Variants in ST8SIA4 observed in about 807,000 individuals in gnomAD.
The protein encoded by ST8SIA4 is ST8 alpha-N-acetyl-neuraminide alpha-2,8-sialyltransferase 4, also known as CMP-N-acetylneuraminate-poly-alpha-2,8-sialyltransferase.
Under a neutral mutation model 33.9 loss-of-function variants are expected in ST8SIA4, and 15 were observed. That is an observed-to-expected ratio of 0.44 (90% confidence interval 0.30 to 0.68). The LOEUF (loss-of-function observed/expected upper bound fraction) is 0.68. Among genes scored for constraint, ST8SIA4 ranks in the 30% least tolerant of loss-of-function variants. ST8SIA4 has a pLI of 0.10. For synonymous variants in ST8SIA4, 171 were observed against 151.2 expected, an observed-to-expected ratio of 1.13 and a Z score of -0.96; for missense variants, 321 against 428.0, an observed-to-expected ratio of 0.75 and a Z score of 2.21.
intron 2 of ST8SIA4, among the ~76,000 whole-genome samples, chr5:100,887,857 A>G (rs562866613): frequency 6.6e-6 from 1 of 152,198 alleles, no homozygotes; most frequent in Admixed American, 6.5e-5. Flanking sequence ...GCATGCTGAG[A>G]TGAAAGGGAA....
intron 3 of ST8SIA4, among the ~76,000 whole-genome samples, chr5:100,862,731 G>T (rs1311440947): frequency 2.0e-5 from 3 of 152,136 alleles, no homozygotes; most frequent in African/African-American, 7.2e-5. Flanking sequence ...TTTGTTATGT[G>T]CCAGGGAGCA....
intron 1 of ST8SIA4, among the ~76,000 whole-genome samples, chr5:100,897,104 C>T (rs965969913): frequency 1.3e-5 from 2 of 152,100 alleles, no homozygotes; most frequent in Non-Finnish European, 2.9e-5. Flanking sequence ...AACATCTCAA[C>T]GAGTCACTTC....
intron 1 of ST8SIA4, among the ~76,000 whole-genome samples, chr5:100,899,928 T>A (rs1052301861): frequency 6.6e-6 from 1 of 152,232 alleles, no homozygotes; most frequent in Non-Finnish European, 1.5e-5. Context: ...GAATTTTAGA[T>A]GTTCAATAAT....
Position 100,811,147 on chromosome 5 carries a change from A to C in ST8SIA4, c.*700T>G, listed in dbSNP as rs1392329645. On this transcript the variant is annotated 3_prime_UTR_variant, in exon 5 of 5. Transcript: ENST00000231461. ...AGCTGAGATCGCGCCACTGTACTCCAGCCTGGGCAACAGAGCGAGACAAAA... is the reference window on the plus strand; with the variant it reads ...AGCTGAGATCGCGCCACTGTACTCCCGCCTGGGCAACAGAGCGAGACAAAA... The C allele has an allele frequency of 6.8e-6, 1 of 146,068 alleles. No homozygotes were observed. Among genetic ancestry groups the C allele is most frequent in the Non-Finnish European group, 1.5e-5 (1 of 66,676 alleles). The allele number at this position is 146,068 out of a possible 1,614,324, so 9.0% of individuals were successfully genotyped here.
chr5:100,819,850 CA>C (rs1230033887), intron 4 of ST8SIA4, among the ~76,000 whole-genome samples: 1 of 152,018 alleles, frequency 6.6e-6, no homozygotes, highest in African/African-American at 2.4e-5. Context: ...AAAATAGAAA[CA>C]GAAGAGATAA....
rs1364708584 is a variant in ST8SIA4, at chr5:100,807,909, G to A, written c.*3938C>T. Reference sequence around the variant, plus strand: ...ATATATAATAAAATATCTATTTCTAGGTGGGCTTTATTTGGATTTTCTTTC... The same window carrying A: ...ATATATAATAAAATATCTATTTCTAAGTGGGCTTTATTTGGATTTTCTTTC... On this transcript the variant is annotated 3_prime_UTR_variant, in exon 5 of 5. Transcript: ENST00000231461. 6.6e-6 allele frequency: 1 copy of A among 152,084 alleles called. No homozygotes were observed. Among genetic ancestry groups the A allele is most frequent in the Non-Finnish European group, 1.5e-5 (1 of 67,902 alleles). The allele number at this position is 152,084 out of a possible 1,614,324, so 9.4% of individuals were successfully genotyped here.
Position 100,902,887 on chromosome 5 carries a change from T to A in ST8SIA4, c.69A>T (p.Lys23Asn). 6.2e-7 allele frequency: 1 copy of A among 1,614,224 alleles called. No homozygotes were observed. The highest frequency in any genetic ancestry group is 8.5e-7 in the Non-Finnish European group (1 of 1,180,042). The part of the protein sequence containing the change: ...ISLLLIFYKT[K>N]EIARTEEHQE... The stretch of plus-strand genomic sequence containing the variant: ...GGTGCTCCTCAGTTCTTGCTATTTC[T>A]TTTGTCTTATAAAAGATCAGGAGCA... The change falls in exon 1 of 5, where the codon AAA (lysine) becomes AAT (asparagine). Residue 23 changes from lysine (K) to asparagine (N), a missense_variant. Transcript: ENST00000231461.
At chr5:100,831,823 T>C (rs754915413) in intron 4 of ST8SIA4, among the ~76,000 whole-genome samples, 13 of 152,124 alleles carry the variant, frequency 8.5e-5, no homozygotes, top group Non-Finnish European at 1.8e-4. Context: ...ATTTTCTTTA[T>C]CTAACTCGAA....
intron 4 of ST8SIA4, among the ~76,000 whole-genome samples, chr5:100,845,296 C>T (rs1276509355): frequency 6.6e-6 from 1 of 151,858 alleles, no homozygotes; most frequent in Non-Finnish European, 1.5e-5. Flanking sequence ...AACTTTTCTC[C>T]ACAAACTCAG....
chr5:100,842,229 A>G (rs3756350), intron 4 of ST8SIA4, among the ~76,000 whole-genome samples: 34,991 of 151,788 alleles, frequency 0.23, 5,116 homozygotes, highest in Non-Finnish European at 0.32. Flanking sequence ...TAAAATAATT[A>G]GCTTATTAAT....
intron 3 of ST8SIA4, among the ~76,000 whole-genome samples, chr5:100,869,447 G>A (rs140323373): frequency 3.9e-5 from 6 of 152,192 alleles, no homozygotes; most frequent in South Asian, 2.1e-4. Context: ...TCATACCATC[G>A]ACACTAGGTG....
chr5:100,813,896 A>G lies in ST8SIA4; in HGVS notation c.798-1767T>C, dbSNP rs571359615. On this transcript the variant is annotated intron_variant, in intron 4 of 4. Transcript: ENST00000231461. ...CAGTCAAAAAGAAAACAGTATTTCC[A>G]TTAGGCAAAGTCAATGATTAGGAAC... Among the ~76,000 whole-genome samples, 3 of 152,126 alleles carry G rather than the reference A, an allele frequency of 2.0e-5. No homozygotes were observed. In the East Asian group the frequency reaches 5.8e-4, roughly 29 times the overall value.
intron 4 of ST8SIA4, among the ~76,000 whole-genome samples, chr5:100,834,088 G>T (rs535571546): frequency 2.1e-4 from 32 of 151,984 alleles, no homozygotes; most frequent in Non-Finnish European, 3.2e-4. Flanking sequence ...ATAATCAAAA[G>T]ACATTATTTC....
intron 3 of ST8SIA4, among the ~76,000 whole-genome samples, chr5:100,871,606 T>C (rs903905608): frequency 6.6e-6 from 1 of 152,070 alleles, no homozygotes; most frequent in African/African-American, 2.4e-5. Context: ...TTCATCTTCT[T>C]ATTCATATCA....
chr5:100,846,753 AT>A (rs530699030), intron 4 of ST8SIA4, among the ~76,000 whole-genome samples: 110 of 152,230 alleles, frequency 7.2e-4, no homozygotes, highest in African/African-American at 2.6e-3. Flanking sequence ...AATTCTAGAT[AT>A]TTCGCAAAGC....
At chr5:100,831,214 A>G (rs1580453342) in intron 4 of ST8SIA4, among the ~76,000 whole-genome samples, 1 of 152,222 alleles carries the variant, frequency 6.6e-6, no homozygotes, top group Non-Finnish European at 1.5e-5. Context: ...TGAAGGAACT[A>G]CTGTTCTCCA....
intron 4 of ST8SIA4, 51 bp from the exon 5 acceptor site, chr5:100,812,180 G>A (rs528199574): frequency 1.6e-5 from 24 of 1,511,018 alleles, no homozygotes; most frequent in African/African-American, 1.4e-4. Flanking sequence ...GACACACATA[G>A]AGCATATCCT....
intron 4 of ST8SIA4, among the ~76,000 whole-genome samples, chr5:100,829,783 C>A (rs1330276049): frequency 1.3e-5 from 2 of 151,956 alleles, no homozygotes; most frequent in African/African-American, 4.8e-5. Flanking sequence ...TGGTGGGCGC[C>A]TGCAGTCCCA....
Position 100,808,020 on chromosome 5 carries a change from A to C in ST8SIA4, c.*3827T>G, listed in dbSNP as rs571984816. 6.5e-6 allele frequency: 1 copy of C among 152,674 alleles called. No homozygotes were observed. The highest frequency in any genetic ancestry group is 1.9e-4 in the East Asian group (1 of 5,192). The allele number at this position is 152,674 out of a possible 1,614,324, so 9.5% of individuals were successfully genotyped here. Reference sequence around the variant, plus strand: ...GATGGGAAAACTTTCAAACTTGTAGAGATAACAACTAACTATACACAACTC... The same window carrying C: ...GATGGGAAAACTTTCAAACTTGTAGCGATAACAACTAACTATACACAACTC... On this transcript the variant is annotated 3_prime_UTR_variant, in exon 5 of 5. Transcript: ENST00000231461.
Sources: gnomAD v4.1 joint callset for allele counts (sites outside exome capture counted in the v4.1 genomes callset) on GRCh38, gnomAD v4.1.1 for gene constraint, MANE v1.5 for transcripts, NCBI Gene and HGNC (gene_info 2026-07-23, HGNC 2026-07-21) for gene names.